Variants in PAK1 observed in about 807,000 individuals in gnomAD.
PAK1 encodes serine/threonine-protein kinase PAK 1.
In PAK1, 29 loss-of-function variants were observed where a neutral mutation model predicts 67.4. The observed-to-expected ratio is 0.43, with a 90% CI of 0.32 to 0.59. PAK1 has a LOEUF of 0.59. PAK1 is among the 20% of genes least tolerant of loss of function. The pLI, the probability that PAK1 is intolerant of heterozygous loss-of-function variation, is 0.07. For synonymous variants in PAK1, 223 were observed against 237.4 expected (o/e 0.94, Z 0.56); for missense variants, 337 against 670.7 (o/e 0.50, Z 5.50).
intron 1 of PAK1, among the ~76,000 whole-genome samples, chr11:77,427,332 T>A (rs1955602942): frequency 1.3e-5 from 2 of 152,228 alleles, no homozygotes. Flanking sequence ...TTTAAATACC[T>A]ATATTCCTGT....
chr11:77,446,386 C>A (rs1392097158), intron 1 of PAK1, among the ~76,000 whole-genome samples: 17 of 151,924 alleles, frequency 1.1e-4, no homozygotes, highest in Non-Finnish European at 2.9e-5. Context: ...CTGGTGCAGG[C>A]TTGTAATCCC....
chr11:77,486,956 G>A, the PAK1 span, among the ~76,000 whole-genome samples: 340 of 152,324 alleles, frequency 2.2e-3, 2 homozygotes, highest in African/African-American at 7.8e-3. Flanking sequence ...GACCTAGTGA[G>A]ACACTGGCCA....
chr11:77,492,102 C>T, the PAK1 span, among the ~76,000 whole-genome samples: 13 of 152,146 alleles, frequency 8.5e-5, no homozygotes, highest in Non-Finnish European at 1.6e-4. Flanking sequence ...TTCACTCATC[C>T]CCTACCCTGT....
chr11:77,326,555 C>G (rs1005601820), intron 14 of PAK1, among the ~76,000 whole-genome samples: 5 of 152,106 alleles, frequency 3.3e-5, no homozygotes, highest in Non-Finnish European at 7.4e-5. Flanking sequence ...TATGGTGGTG[C>G]ACGCCTATAG....
chr11:77,510,112 G>A, the PAK1 span, among the ~76,000 whole-genome samples: 1 of 151,808 alleles, frequency 6.6e-6, no homozygotes, highest in Non-Finnish European at 1.5e-5. Flanking sequence ...TCCCTTTTTG[G>A]TTTAGGTTGT....
At chr11:77,360,049 T>C (rs1435214614) in intron 5 of PAK1, among the ~76,000 whole-genome samples, 2 of 152,108 alleles carry the variant, frequency 1.3e-5, no homozygotes, top group Non-Finnish European at 2.9e-5. Context: ...CCATCTGGTA[T>C]AGGAGATAGA....
chr11:77,471,036 T>C (rs1957828605), intron 1 of PAK1, among the ~76,000 whole-genome samples: 1 of 152,232 alleles, frequency 6.6e-6, no homozygotes, highest in Admixed American at 6.5e-5. Flanking sequence ...ATGTCGCAGC[T>C]GGCAATACAT....
At chr11:77,412,327 C>G (rs1338142608) in intron 1 of PAK1, among the ~76,000 whole-genome samples, 1 of 152,128 alleles carries the variant, frequency 6.6e-6, no homozygotes, top group Admixed American at 6.5e-5. Context: ...CACCTCCCCC[C>G]TCCCCAAACG....
chr11:77,479,156 C>CA (rs1296239364), upstream of PAK1, among the ~76,000 whole-genome samples: 2 of 151,840 alleles, frequency 1.3e-5, no homozygotes, highest in African/African-American at 4.8e-5. Context: ...TTCCCAAACT[C>CA]AGACCTACTT....
chr11:77,515,881 G>A, the PAK1 span, among the ~76,000 whole-genome samples: 1 of 152,140 alleles, frequency 6.6e-6, no homozygotes, highest in Non-Finnish European at 1.5e-5. Flanking sequence ...TCTGATGTTA[G>A]AAAATTCTCC....
intron 8 of PAK1, chr11:77,353,014 A>G (rs1339817346): frequency 6.6e-6 from 1 of 152,480 alleles, no homozygotes; most frequent in Non-Finnish European, 1.5e-5. Flanking sequence ...TTGTCTCTGA[A>G]TTCATAGTGC....
chr11:77,359,020 G>T lies in PAK1; in HGVS notation c.478-3C>A, dbSNP rs781205906. ...GTCTCAGACACAGCCTTCACATTCT[G>T]TGCAAAGAAGAAAAGCAAGATGCAT... On this transcript the variant is annotated splice_region_variant and splice_polypyrimidine_tract_variant and intron_variant, in intron 5 of 14. Coordinates refer to ENST00000356341, the MANE Select transcript of PAK1 (RefSeq NM_002576.5). 3.8e-5 allele frequency: 62 copies of T among 1,612,296 alleles called. No individual in the cohort carries two copies. The highest frequency in any genetic ancestry group is 5.2e-5 in the Non-Finnish European group (61 of 1,179,140).
intron 1 of PAK1, among the ~76,000 whole-genome samples, chr11:77,470,249 T>C (rs1957787045): frequency 6.6e-6 from 1 of 152,218 alleles, no homozygotes; most frequent in Admixed American, 6.5e-5. Context: ...TAAAATTTTT[T>C]AAAAGTCTGC....
At chr11:77,374,440 T>C in intron 4 of PAK1, 75 bp from the exon 5 acceptor site, 1 of 926,786 alleles carries the variant, frequency 1.1e-6, no homozygotes, top group South Asian at 1.3e-5. Flanking sequence ...AAAAGAAGTC[T>C]ATCTGGTCAA....
In PAK1 at chr11:77,460,938, G is replaced by A. The variant is rs138609058; in HGVS notation, c.-22+12614C>T. Among the ~76,000 whole-genome samples, 890 of 152,260 alleles carry A rather than the reference G, an allele frequency of 5.8e-3. 8 individuals are homozygous for A. The highest frequency in any genetic ancestry group is 0.021 in the African/African-American group (858 of 41,544). On this transcript the variant is annotated intron_variant, in intron 1 of 14. Transcript: ENST00000356341. ...GAGTAAAACTGAAGACAATTCTGAG[G>A]AAAAGCATGCAATTATTTCCAGAGA...
chr11:77,381,178 G>GTGTGTGTGT (rs869219760), intron 2 of PAK1, among the ~76,000 whole-genome samples: 2,889 of 107,350 alleles, frequency 0.027, 73 homozygotes, highest in African/African-American at 0.075. Flanking sequence ...TGTGTGTGTA[G>GTGTGTGTGT]AGAGAGAGAG....
At chr11:77,394,047 T>C (rs1471573571) in intron 1 of PAK1, among the ~76,000 whole-genome samples, 1 of 152,154 alleles carries the variant, frequency 6.6e-6, no homozygotes, top group African/African-American at 2.4e-5. Context: ...ATGTTATCAA[T>C]AGTTTTAATG....
chr11:77,335,471 G>A (rs1942527446), intron 13 of PAK1, among the ~76,000 whole-genome samples: 1 of 152,102 alleles, frequency 6.6e-6, no homozygotes, highest in Non-Finnish European at 1.5e-5. Context: ...CAGAAATCTT[G>A]TAGTCATTGC....
At chr11:77,334,582 C>A (rs1429898729) in intron 13 of PAK1, among the ~76,000 whole-genome samples, 2 of 152,208 alleles carry the variant, frequency 1.3e-5, no homozygotes, top group Non-Finnish European at 2.9e-5. Context: ...TGCTCTGTTA[C>A]AAGGGATAAA....
Sources: allele counts gnomAD v4.1 joint callset (sites outside exome capture counted in the v4.1 genomes callset), GRCh38; gene constraint gnomAD v4.1.1; transcripts MANE v1.5; gene names NCBI Gene and HGNC (gene_info 2026-07-23, HGNC 2026-07-21).